SMURF2: variants seen among roughly 807,000 people sequenced by gnomAD.
SMURF2 encodes the protein SMAD specific E3 ubiquitin protein ligase 2, also known as E3 ubiquitin-protein ligase SMURF2.
In SMURF2, 48 loss-of-function variants were observed where a neutral mutation model predicts 109.6. The ratio of observed to expected loss-of-function variants is 0.44; its 90% CI spans 0.35 to 0.56. The LOEUF is 0.56. Ranked by LOEUF, SMURF2 falls within the 20% of genes least tolerant of loss-of-function variation. SMURF2 has a pLI of 0.01. For missense variants in SMURF2, 575 were observed against 909.0 expected (o/e 0.63, Z 4.72); for synonymous variants, 288 against 317.1 (o/e 0.91, Z 0.97).
At chr17:64,582,156 T>G (rs1969586633) in intron 7 of SMURF2, among the ~76,000 whole-genome samples, 1 of 152,148 alleles carries the variant, frequency 6.6e-6, no homozygotes. Context: ...CTTGGCAGTT[T>G]AATACTAGAA....
At chr17:64,619,719 T>TC (rs1555690465) in intron 1 of SMURF2, among the ~76,000 whole-genome samples, 2 of 151,896 alleles carry the variant, frequency 1.3e-5, no homozygotes, top group African/African-American at 4.8e-5. Context: ...CCATAATCTC[T>TC]CCCATGTCTC....
intron 3 of SMURF2, 29 bp from the exon 4 acceptor site, chr17:64,593,602 C>G: frequency 1.4e-6 from 2 of 1,480,398 alleles, no homozygotes; most frequent in Non-Finnish European, 1.8e-6. Flanking sequence ...GCATGAGTAA[C>G]TTGGTAGTTA....
At chr17:64,583,879 T>C (rs1342692476) in intron 6 of SMURF2, among the ~76,000 whole-genome samples, 1 of 149,336 alleles carries the variant, frequency 6.7e-6, no homozygotes, top group Non-Finnish European at 1.5e-5. Flanking sequence ...AACCATAAAA[T>C]CACGAGGTCT....
At chr17:64,610,271 G>A (rs1400192187) in intron 1 of SMURF2, among the ~76,000 whole-genome samples, 2 of 152,064 alleles carry the variant, frequency 1.3e-5, no homozygotes, top group African/African-American at 4.8e-5. Context: ...ATACCCAAAG[G>A]ATTATAAATC....
At chr17:64,648,736 A>G (rs1555693213) in intron 1 of SMURF2, among the ~76,000 whole-genome samples, 1 of 152,224 alleles carries the variant, frequency 6.6e-6, no homozygotes, top group African/African-American at 2.4e-5. Context: ...CCTGAGCGAC[A>G]GAGTGAGACC....
intron 9 of SMURF2, among the ~76,000 whole-genome samples, chr17:64,578,283 T>C (rs782797666): frequency 1.3e-5 from 2 of 151,900 alleles, no homozygotes; most frequent in Non-Finnish European, 2.9e-5. Context: ...GGAGGGTGGC[T>C]AGGAACTGGT....
At chr17:64,607,393 C>T (rs1400302984) in intron 1 of SMURF2, among the ~76,000 whole-genome samples, 6 of 151,986 alleles carry the variant, frequency 3.9e-5, no homozygotes, top group East Asian at 3.9e-4. Context: ...TTTGGGAGGC[C>T]GAGGCGGGCG....
At chr17:64,631,279 GGGGAGAGAGAGAGA>G (rs1970339090) in intron 1 of SMURF2, among the ~76,000 whole-genome samples, 2 of 7,442 alleles carry the variant, frequency 2.7e-4, no homozygotes, top group African/African-American at 1.0e-3. Context: ...AGAGGGGGGG[GGGGAGAGAGAGAGA>G]GAGAGAGAGA....
At chr17:64,604,485 A>C (rs1299055760) in intron 2 of SMURF2, among the ~76,000 whole-genome samples, 7 of 152,178 alleles carry the variant, frequency 4.6e-5, no homozygotes, top group Admixed American at 3.3e-4. Context: ...ATTCCTCTAG[A>C]TATCCTAGGA....
intron 1 of SMURF2, among the ~76,000 whole-genome samples, chr17:64,631,129 C>G (rs1489111288): frequency 2.0e-4 from 30 of 151,302 alleles, no homozygotes; most frequent in Non-Finnish European, 1.5e-5. Flanking sequence ...TGGCAAGACC[C>G]CATCTCTACA....
chr17:64,624,150 T>C (rs1970237960), intron 1 of SMURF2, among the ~76,000 whole-genome samples: 1 of 152,078 alleles, frequency 6.6e-6, no homozygotes, highest in African/African-American at 2.4e-5. Context: ...AGTCTGATAA[T>C]CCTACAATAG....
In SMURF2 at chr17:64,637,813, C is replaced by G. The variant is rs574901013; in HGVS notation, c.52+24016G>C. 1.5e-4 allele frequency among the ~76,000 whole-genome samples: 23 copies of G among 151,732 alleles called. No individual in the cohort carries two copies. The South Asian group carries it at 4.8e-3, about 31-fold the overall frequency. On this transcript the variant is annotated intron_variant, in intron 1 of 18. Coordinates refer to ENST00000262435, the MANE Select transcript of SMURF2 (RefSeq NM_022739.4). ...TACTGACTTCAAATGATCCACCCACCTTGGCCTTCCAAAGTGCTGGGATTA... is the reference window on the plus strand; with the variant it reads ...TACTGACTTCAAATGATCCACCCACGTTGGCCTTCCAAAGTGCTGGGATTA...
At chr17:64,590,798 T>A (rs1969740589) in intron 5 of SMURF2, among the ~76,000 whole-genome samples, 1 of 152,182 alleles carries the variant, frequency 6.6e-6, no homozygotes, top group African/African-American at 2.4e-5. Flanking sequence ...TAAACTTTAA[T>A]AACATTTATA....
intron 6 of SMURF2, among the ~76,000 whole-genome samples, chr17:64,583,995 C>T (rs967600522): frequency 6.6e-6 from 1 of 152,032 alleles, no homozygotes. Flanking sequence ...CCTACCCAAA[C>T]TAATTTTTTA....
chr17:64,634,641 C>T (rs1267118117), intron 1 of SMURF2, among the ~76,000 whole-genome samples: 3 of 152,110 alleles, frequency 2.0e-5, no homozygotes, highest in Non-Finnish European at 4.4e-5. Flanking sequence ...TTTTTTTATA[C>T]CACTTATTTA....
At chr17:64,620,208 G>C (rs1490761951) in intron 1 of SMURF2, among the ~76,000 whole-genome samples, 1 of 152,060 alleles carries the variant, frequency 6.6e-6, no homozygotes, top group Non-Finnish European at 1.5e-5. Flanking sequence ...TCCATTTCCA[G>C]TGTTCACATT....
At position 64,547,448 on chromosome 17, in the gene SMURF2, AGGGAGAAGAAGGTATCACAAT is replaced by A; in HGVS notation, c.2071+131_2071+151del. Reference sequence around the variant, plus strand: ...TCTTGGGAAGGGAACAAAAGAAAGGAGGGAGAAGAAGGTATCACAATGTGAGAGTCACAGATAAGAAGTGAA... The same window carrying A: ...TCTTGGGAAGGGAACAAAAGAAAGGAGTGAGAGTCACAGATAAGAAGTGAA... On this transcript the variant is annotated intron_variant, in intron 17 of 18. Coordinates refer to ENST00000262435, the MANE Select transcript of SMURF2 (RefSeq NM_022739.4). This position sits in a 1 kb window ranked among gnomAD's most constrained non-coding sequence, Gnocchi z 4.2. 1 of 674,580 alleles carries A rather than the reference AGGGAGAAGAAGGTATCACAAT, an allele frequency of 1.5e-6. No individual in the cohort carries two copies. The highest frequency in any genetic ancestry group is 2.8e-5 in the Admixed American group (1 of 35,704). 41.8% of individuals were successfully genotyped at this position (674,580 alleles called of 1,614,324 possible).
At chr17:64,582,799 A>T (rs1211506172) in intron 7 of SMURF2, among the ~76,000 whole-genome samples, 1 of 151,688 alleles carries the variant, frequency 6.6e-6, no homozygotes, top group Non-Finnish European at 1.5e-5. Context: ...GGGTTTCTCC[A>T]TGTTGGTCAG....
chr17:64,600,130 A>G (rs187939834), intron 2 of SMURF2, among the ~76,000 whole-genome samples: 4 of 152,268 alleles, frequency 2.6e-5, no homozygotes, highest in African/African-American at 9.6e-5. Context: ...GGCAGACCAT[A>G]TATGAAGCTG....
Sources: gnomAD v4.1 joint callset for allele counts (sites outside exome capture counted in the v4.1 genomes callset) on GRCh38, gnomAD v4.1.1 for gene constraint, Gnocchi (gnomAD v3.1) non-coding constraint, MANE v1.5 for transcripts, NCBI Gene and HGNC (gene_info 2026-07-23, HGNC 2026-07-21) for gene names.